The following OR11A1 variants were observed in gnomAD, a reference collection of about 807,000 sequenced individuals.
The protein encoded by OR11A1 is olfactory receptor 11A1.
For missense variants in OR11A1, 380 were observed against 378.2 expected (o/e 1.00, Z -0.04); for synonymous variants, 158 against 152.2 (o/e 1.04, Z -0.28).
intron 1 of OR11A1, chr6:29,440,127 G>C: frequency 6.2e-7 from 1 of 1,613,356 alleles, no homozygotes; most frequent in Non-Finnish European, 8.5e-7. Flanking sequence ...CCTGCTGACC[G>C]TGGCAGGCAA....
intron 1 of OR11A1, chr6:29,439,832 AG>A (rs1369359433): frequency 3.3e-6 from 2 of 601,006 alleles, no homozygotes; most frequent in African/African-American, 1.9e-5. Flanking sequence ...AGAGTGAGCA[AG>A]GGTGGAATAT....
At chr6:29,440,879 C>T (rs772010744) in intron 1 of OR11A1, 1 of 1,613,900 alleles carries the variant, frequency 6.2e-7, no homozygotes, top group South Asian at 1.1e-5. Flanking sequence ...ACCCCATCAT[C>T]TACAGCCTGC....
Position 29,430,444 on chromosome 6 carries a change from G to A in OR11A1, c.-264-19C>T, listed in dbSNP as rs761608767. 9.1e-6 allele frequency: 9 copies of A among 985,316 alleles called. No homozygotes were observed. Among genetic ancestry groups the A allele is most frequent in the Non-Finnish European group, 9.6e-6 (8 of 829,860 alleles). The allele number at this position is 985,316 out of a possible 1,614,324, so 61.0% of individuals were successfully genotyped here. A position where few individuals can be genotyped will look rare whatever the true frequency, so the allele number is the denominator to read the frequency against. On this transcript the variant is annotated intron_variant, in intron 2 of 4. Coordinates refer to ENST00000377149, the MANE Select transcript of OR11A1 (RefSeq NM_001394828.1). ...AGGATTCCTGCCAGGAGAGAGGTGA[G>A]CATGTAAATCAGGCAAGAATACCTC... is the stretch of plus-strand genomic sequence containing the variant.
At chr6:29,435,896 G>A (rs1486213616) in intron 1 of OR11A1, among the ~76,000 whole-genome samples, 2 of 152,186 alleles carry the variant, frequency 1.3e-5, no homozygotes, top group African/African-American at 2.4e-5. Context: ...ATGCATGAAT[G>A]CATGAATGAA....
Position 29,426,908 on chromosome 6 carries a change from T to A in OR11A1, c.734A>T (p.His245Leu), listed in dbSNP as rs778022822. The change falls in exon 5 of 5, where the codon CAC becomes CTC. Residue 245 changes from histidine (H) to leucine (L), a missense_variant. By Grantham distance (99) the His-to-Leu change is moderately conservative. Transcript: ENST00000377149. ...RRRAFSTCSS[H>L]LAVVTTFYGT... ...ATAGAATGTGGTCACTACAGCTAGGTGGGAGGAGCATGTGGAGAAAGCCCT... is the reference window on the plus strand; with the variant it reads ...ATAGAATGTGGTCACTACAGCTAGGAGGGAGGAGCATGTGGAGAAAGCCCT... The A allele has an allele frequency of 6.2e-7, 1 of 1,612,962 alleles. No homozygotes were observed. Among genetic ancestry groups the A allele is most frequent in the Non-Finnish European group, 8.5e-7 (1 of 1,179,984 alleles).
chr6:29,436,077 A>T (rs1317765690), intron 1 of OR11A1, among the ~76,000 whole-genome samples: 1 of 152,248 alleles, frequency 6.6e-6, no homozygotes, highest in African/African-American at 2.4e-5. Context: ...GCTCCCTAAC[A>T]TCTATTTTTA....
intron 1 of OR11A1, among the ~76,000 whole-genome samples, chr6:29,452,885 C>A (rs867941553): frequency 8.0e-4 from 121 of 152,042 alleles, no homozygotes; most frequent in African/African-American, 2.8e-3. Flanking sequence ...TTATCTTCTT[C>A]CTTTTCTTAA....
Position 29,453,049 on chromosome 6 carries a change from A to C in OR11A1, c.-389+3938T>G, listed in dbSNP as rs1028417733. Reference sequence around the variant, plus strand: ...TATTCTATGTTAAAGGTATTGTATTAAGTCAGAGTAGACTCTTATAAGTTC... The same window carrying C: ...TATTCTATGTTAAAGGTATTGTATTCAGTCAGAGTAGACTCTTATAAGTTC... On this transcript the variant is annotated intron_variant, in intron 1 of 4. Coordinates refer to ENST00000377149, the MANE Select transcript of OR11A1 (RefSeq NM_001394828.1). The surrounding 1 kb of genome is among the most constrained non-coding windows in gnomAD (Gnocchi z 4.5). Among the ~76,000 whole-genome samples the C allele has an allele frequency of 6.6e-6, 1 of 151,430 alleles. No individual in the cohort carries two copies. Among genetic ancestry groups the C allele is most frequent in the East Asian group, 1.9e-4 (1 of 5,194 alleles).
intron 1 of OR11A1, chr6:29,440,321 C>T: frequency 1.2e-6 from 2 of 1,614,112 alleles, no homozygotes; most frequent in Non-Finnish European, 1.7e-6. Context: ...AGATGTTCTT[C>T]TTCCTCTTCT....
chr6:29,440,499 ATCT>A (rs1422576331), intron 1 of OR11A1: 1 of 1,613,472 alleles, frequency 6.2e-7, no homozygotes, highest in Admixed American at 1.7e-5. Flanking sequence ...CACCCCTTTC[ATCT>A]TCTCTTTGCC....
rs571467231 is a variant in OR11A1, at chr6:29,436,851, C to G, written c.-388-4864G>C. Among the ~76,000 whole-genome samples the G allele has an allele frequency of 1.4e-4, 21 of 152,306 alleles. No individual in the cohort carries two copies. The South Asian group carries it at 3.9e-3, about 29-fold the overall frequency. On this transcript the variant is annotated intron_variant, in intron 1 of 4. Coordinates refer to ENST00000377149, the MANE Select transcript of OR11A1 (RefSeq NM_001394828.1). Reference sequence around the variant, plus strand: ...AAATGCAATAAGAAAAGATAAAATACGGAATTCAGTCGGCCAGTGGCCCGC... The same window carrying G: ...AAATGCAATAAGAAAAGATAAAATAGGGAATTCAGTCGGCCAGTGGCCCGC...
Position 29,440,403 on chromosome 6 carries a change from C to T in OR11A1, c.-388-8416G>A, listed in dbSNP as rs1003810361. 6.2e-6 allele frequency: 10 copies of T among 1,613,940 alleles called. No homozygotes were observed. The African/African-American group carries it at 8.0e-5, about 13-fold the overall frequency. On this transcript the variant is annotated intron_variant, in intron 1 of 4. Transcript: ENST00000377149. ...CTATGCAGCCATCTGTGAACCCCTC[C>T]GCTACCCACTGCTGCTGAGCCACCG...
Position 29,440,367 on chromosome 6 carries a change from G to A in OR11A1, c.-388-8380C>T, listed in dbSNP as rs772868335. Reference sequence around the variant, plus strand: ...GGAGTGCTGCCTCCTGGCAGCCATGGCCTATGACCGCTATGCAGCCATCTG... The same window carrying A: ...GGAGTGCTGCCTCCTGGCAGCCATGACCTATGACCGCTATGCAGCCATCTG... On this transcript the variant is annotated intron_variant, in intron 1 of 4. Transcript: ENST00000377149. 2.5e-6 allele frequency: 4 copies of A among 1,614,056 alleles called. No individual in the cohort carries two copies. In the South Asian group the frequency reaches 4.4e-5, roughly 18 times the overall value.
chr6:29,441,118 A>G, intron 1 of OR11A1: 1 of 587,624 alleles, frequency 1.7e-6, no homozygotes. Flanking sequence ...CGCTCCTCAG[A>G]CCCTCACAAC....
Position 29,437,632 on chromosome 6 carries a change from TA to T in OR11A1, c.-388-5646del, listed in dbSNP as rs553587958. ...TTTGCTTTGTCTTTAAAGACATGGA[TA>T]TTTTTTAAGAGTTTGTGTCAGTTGT... On this transcript the variant is annotated intron_variant, in intron 1 of 4. Transcript: ENST00000377149. Among the ~76,000 whole-genome samples, 142 of 152,164 alleles carry T rather than the reference TA, an allele frequency of 9.3e-4. 3 individuals carry two copies. In the East Asian group the frequency reaches 0.026, roughly 28 times the overall value.
intron 2 of OR11A1, 43 bp downstream of exon 2, chr6:29,431,821 T>C (rs1783247910): frequency 1.0e-6 from 1 of 980,666 alleles, no homozygotes; most frequent in South Asian, 4.7e-5. Flanking sequence ...TTTTAAAGAA[T>C]CTGTGAACTA....
At chr6:29,440,894 C>T in intron 1 of OR11A1, 1 of 1,613,768 alleles carries the variant, frequency 6.2e-7, no homozygotes, top group South Asian at 1.1e-5. Context: ...GCCTGCGGAA[C>T]ACAGAGGTCA....
intron 1 of OR11A1, among the ~76,000 whole-genome samples, chr6:29,456,263 C>T (rs1308952626): frequency 6.7e-6 from 1 of 149,654 alleles, no homozygotes; most frequent in Non-Finnish European, 1.5e-5. Flanking sequence ...TGGCTCACGC[C>T]TGTAATCCCA....
In OR11A1 at chr6:29,431,936, T is replaced by C; in HGVS notation, c.-337A>G. On this transcript the variant is annotated 5_prime_UTR_variant, in exon 2 of 5. Transcript: ENST00000377149. ...TGATCTGCTAAGATTTGCTGAAGACTTCAGAATGTTGGAATTTCCTACCTT... is the reference window on the plus strand; with the variant it reads ...TGATCTGCTAAGATTTGCTGAAGACCTCAGAATGTTGGAATTTCCTACCTT... 1 of 985,382 alleles carries C rather than the reference T, an allele frequency of 1.0e-6. No individual in the cohort carries two copies. Among genetic ancestry groups the C allele is most frequent in the Non-Finnish European group, 1.2e-6 (1 of 829,878 alleles). 61.0% of individuals were successfully genotyped at this position (985,382 alleles called of 1,614,324 possible). A position where few individuals can be genotyped will look rare whatever the true frequency, so the allele number is the denominator to read the frequency against.
Sources: allele counts gnomAD v4.1 joint callset (sites outside exome capture counted in the v4.1 genomes callset), GRCh38; gene constraint gnomAD v4.1.1; non-coding constraint Gnocchi (gnomAD v3.1); transcripts MANE v1.5; gene names NCBI Gene and HGNC (gene_info 2026-07-23, HGNC 2026-07-21).